Variants in MARCHF3 observed in about 807,000 individuals in gnomAD.
The protein encoded by MARCHF3 is membrane associated ring-CH-type finger 3.
Under a neutral mutation model 24.2 loss-of-function variants are expected in MARCHF3, and 13 were observed. The observed-to-expected ratio is 0.54, with a 90% confidence interval of 0.35 to 0.85. The LOEUF (loss-of-function observed/expected upper bound fraction) is 0.85. Among genes scored for constraint, MARCHF3 ranks in the 40% least tolerant of loss-of-function variants. The pLI is 0.01. For synonymous variants in MARCHF3, 144 were observed against 137.3 expected, an observed-to-expected ratio of 1.05 and a Z score of -0.34; for missense variants, 276 against 325.0, an observed-to-expected ratio of 0.85 and a Z score of 1.16.
At chr5:126,873,586 G>A (rs1216072182) in intron 4 of MARCHF3, among the ~76,000 whole-genome samples, 1 of 152,144 alleles carries the variant, frequency 6.6e-6, no homozygotes, top group Non-Finnish European at 1.5e-5. Context: ...AAGACCCCCA[G>A]GTGATCCGCA....
At chr5:127,022,994 T>A (rs1178193362) in intron 1 of MARCHF3, among the ~76,000 whole-genome samples, 1 of 152,222 alleles carries the variant, frequency 6.6e-6, no homozygotes, top group Non-Finnish European at 1.5e-5. Context: ...GTAGTTAGGC[T>A]TAATTCAGCT....
chr5:126,969,537 A>G (rs1328132752), intron 1 of MARCHF3, among the ~76,000 whole-genome samples: 2 of 152,226 alleles, frequency 1.3e-5, no homozygotes, highest in East Asian at 1.9e-4. Flanking sequence ...TAACACAGGT[A>G]TTTGGAAATG....
In MARCHF3 at chr5:126,869,170, G is replaced by A. The variant is rs1381214752; in HGVS notation, c.*1463C>T. On this transcript the variant is annotated 3_prime_UTR_variant, in exon 5 of 5. Transcript: ENST00000308660. ...GACAAAAATCGCTACCCTCCTCGCTGCCTGTTCCTTTGCACTTCTCGTTTT... is the reference window on the plus strand; with the variant it reads ...GACAAAAATCGCTACCCTCCTCGCTACCTGTTCCTTTGCACTTCTCGTTTT... 1.3e-5 allele frequency: 2 copies of A among 152,262 alleles called. No individual in the cohort carries two copies. The highest frequency in any genetic ancestry group is 4.8e-5 in the African/African-American group (2 of 41,466). 9.4% of individuals were successfully genotyped at this position (152,262 alleles called of 1,614,324 possible). A position where few individuals can be genotyped will look rare whatever the true frequency, so the allele number is the denominator to read the frequency against.
At chr5:126,990,709 C>T (rs1751727483) in intron 1 of MARCHF3, among the ~76,000 whole-genome samples, 1 of 152,062 alleles carries the variant, frequency 6.6e-6, no homozygotes, top group East Asian at 1.9e-4. Context: ...AAGAAAAAAA[C>T]AAACAACCCC....
At chr5:126,968,399 G>A (rs1420903703) in intron 1 of MARCHF3, among the ~76,000 whole-genome samples, 2 of 152,112 alleles carry the variant, frequency 1.3e-5, no homozygotes, top group African/African-American at 4.8e-5. Flanking sequence ...GTCAATATTT[G>A]TTATTGTTTA....
intron 3 of MARCHF3, among the ~76,000 whole-genome samples, chr5:126,891,904 A>G (rs1580607271): frequency 2.1e-5 from 3 of 142,652 alleles, no homozygotes; most frequent in African/African-American, 7.9e-5. Context: ...CACGATATTG[A>G]TTCTTCCTAC....
intron 4 of MARCHF3, among the ~76,000 whole-genome samples, chr5:126,876,095 C>A (rs1320771329): frequency 6.6e-6 from 1 of 152,222 alleles, no homozygotes; most frequent in African/African-American, 2.4e-5. Flanking sequence ...CCCAAACCTT[C>A]CTTTCACCTG....
chr5:127,012,886 C>A (rs1752514163), intron 1 of MARCHF3, among the ~76,000 whole-genome samples: 1 of 152,158 alleles, frequency 6.6e-6, no homozygotes, highest in Admixed American at 6.5e-5. Flanking sequence ...TAGACTTAAT[C>A]CACAACCTTA....
intron 3 of MARCHF3, chr5:126,899,177 G>T: frequency 1.0e-6 from 1 of 985,310 alleles, no homozygotes; most frequent in Non-Finnish European, 1.2e-6. Context: ...GCACGCCACA[G>T]AAACATACAT....
At chr5:126,918,853 A>G (rs761655014) in intron 1 of MARCHF3, among the ~76,000 whole-genome samples, 2 of 152,226 alleles carry the variant, frequency 1.3e-5, no homozygotes, top group Non-Finnish European at 2.9e-5. Context: ...TCTTGAAATT[A>G]ACTTCCTTTA....
intron 1 of MARCHF3, among the ~76,000 whole-genome samples, chr5:126,976,732 T>C (rs1751212331): frequency 6.6e-6 from 1 of 152,226 alleles, no homozygotes; most frequent in Non-Finnish European, 1.5e-5. Context: ...GCATCTGCAG[T>C]TGCACACATG....
At chr5:126,899,325 A>G in intron 3 of MARCHF3, 13 of 984,498 alleles carry the variant, frequency 1.3e-5, no homozygotes, top group Non-Finnish European at 1.6e-5. Context: ...GAAGAGAAAA[A>G]TCAGTGTTTT....
chr5:126,934,255 G>A (rs550076513), intron 1 of MARCHF3, among the ~76,000 whole-genome samples: 193 of 152,156 alleles, frequency 1.3e-3, no homozygotes, highest in African/African-American at 4.3e-3. Context: ...GGGCACTTAA[G>A]CATATTTGCT....
chr5:127,002,979 G>T (rs1328241256), intron 1 of MARCHF3, among the ~76,000 whole-genome samples: 1 of 152,310 alleles, frequency 6.6e-6, no homozygotes, highest in South Asian at 2.1e-4. Flanking sequence ...AACCAGAGTG[G>T]AGAGGACAGG....
chr5:126,871,042 G>T (rs534045802), intron 4 of MARCHF3, among the ~76,000 whole-genome samples: 2 of 152,258 alleles, frequency 1.3e-5, no homozygotes, highest in Admixed American at 6.5e-5. Context: ...TCCTCATACC[G>T]GGTAAATTCA....
chr5:126,941,182 A>C (rs554046517), intron 1 of MARCHF3, among the ~76,000 whole-genome samples: 16 of 152,198 alleles, frequency 1.1e-4, no homozygotes, highest in Non-Finnish European at 2.2e-4. Context: ...AATGCATTAC[A>C]ATTTATTCTG....
At chr5:126,972,404 G>A (rs772381994) in intron 1 of MARCHF3, among the ~76,000 whole-genome samples, 16 of 152,126 alleles carry the variant, frequency 1.1e-4, no homozygotes, top group Admixed American at 4.6e-4. Context: ...ACTGTGCTTC[G>A]TTTCTGGGCA....
chr5:126,898,607 G>A (rs570907802), intron 3 of MARCHF3, among the ~76,000 whole-genome samples: 3 of 152,164 alleles, frequency 2.0e-5, no homozygotes, highest in East Asian at 1.9e-4. Flanking sequence ...GGAAGGGGCC[G>A]CCTTATTTTC....
chr5:126,945,544 T>C lies in MARCHF3; in HGVS notation c.-56-27317A>G, dbSNP rs531479469. On this transcript the variant is annotated intron_variant, in intron 1 of 4. Transcript: ENST00000308660. Reference sequence around the variant, plus strand: ...GGAAAAACATTTGCAAACTCCCCAGTGTTACAGCAACTGAAGGCAATTCCT... The same window carrying C: ...GGAAAAACATTTGCAAACTCCCCAGCGTTACAGCAACTGAAGGCAATTCCT... 5.5e-4 allele frequency among the ~76,000 whole-genome samples: 83 copies of C among 152,196 alleles called. 1 individual carries two copies. The South Asian group carries it at 0.016, about 30-fold the overall frequency.
Sources: gnomAD v4.1 joint callset for allele counts (sites outside exome capture counted in the v4.1 genomes callset) on GRCh38, gnomAD v4.1.1 for gene constraint, MANE v1.5 for transcripts, NCBI Gene and HGNC (gene_info 2026-07-23, HGNC 2026-07-21) for gene names.